The following PCDHGB1 variants were observed in gnomAD, a reference collection of about 807,000 sequenced individuals.
PCDHGB1 encodes the protein protocadherin gamma subfamily B, 1.
PCDHGB1 carries 34 observed loss-of-function variants against 56.6 expected under a neutral mutation model. The observed-to-expected ratio is 0.60, with a 90% CI of 0.46 to 0.80. The LOEUF (loss-of-function observed/expected upper bound fraction) is 0.80. Among genes scored for constraint, PCDHGB1 ranks in the 30% least tolerant of loss-of-function variants. The probability of loss-of-function intolerance (pLI) is 0.00; values close to 1 mark genes in which losing one functional copy is unlikely to be tolerated. For synonymous variants in PCDHGB1, 561 were observed against 505.9 expected (o/e 1.11, Z -1.46); for missense variants, 1,278 against 1,204.6 (o/e 1.06, Z -0.90).
In PCDHGB1 at chr5:141,490,413, G is replaced by C. The variant is rs2233606; in HGVS notation, c.2410-4394G>C. 6 of 1,614,128 alleles carry C rather than the reference G, an allele frequency of 3.7e-6. No individual in the cohort carries two copies. In the South Asian group the frequency reaches 4.4e-5, roughly 12 times the overall value. On this transcript the variant is annotated intron_variant, in intron 1 of 3. Transcript: ENST00000523390. The surrounding 1 kb of genome is among the most constrained non-coding windows in gnomAD (Gnocchi z 5.4). ...GTGAAGTGAGCCTTGATATCTCTCCGGACCTGCCATTTCAGATTAAGCCTT... is the reference window on the plus strand; with the variant it reads ...GTGAAGTGAGCCTTGATATCTCTCCCGACCTGCCATTTCAGATTAAGCCTT...
chr5:141,432,823 C>A lies in PCDHGB1; in HGVS notation c.2410-61984C>A. 1 of 1,614,184 alleles carries A rather than the reference C, an allele frequency of 6.2e-7. No homozygotes were observed. Among genetic ancestry groups the A allele is most frequent in the Non-Finnish European group, 8.5e-7 (1 of 1,180,004 alleles). On this transcript the variant is annotated intron_variant, in intron 1 of 3. Transcript: ENST00000523390. The surrounding 1 kb of genome is among the most constrained non-coding windows in gnomAD (Gnocchi z 6.0). ...CTCCAGCTAACTCTGAAACCTCAGA[C>A]CTCACTCTGTACCTGGTGGTAGCGG...
At chr5:141,379,717 G>A (rs1775773176) in intron 1 of PCDHGB1, 1 of 152,104 alleles carries the variant, frequency 6.6e-6, no homozygotes, top group Non-Finnish European at 1.5e-5. Context: ...GGCAGTCATG[G>A]AATTTGCTAA....
At chr5:141,417,950 GAGCCGATCCGCT>G (rs1361985861) in intron 1 of PCDHGB1, 1 of 1,613,484 alleles carries the variant, frequency 6.2e-7, no homozygotes, top group African/African-American at 1.3e-5. Context: ...CACGCTGTGT[GAGCCGATCCGCT>G]ACTCGATTCC....
chr5:141,395,178 G>T (rs1201622292), intron 1 of PCDHGB1: 2 of 1,614,142 alleles, frequency 1.2e-6, no homozygotes, highest in Non-Finnish European at 1.7e-6. Context: ...TGAGAAAAAT[G>T]ATTCTTTGTT....
Position 141,350,429 on chromosome 5 carries a change from C to A in PCDHGB1, c.169C>A (p.Arg57=). ...TGCCAAGGATCTGGGGCTCAGTGTC[C>A]GGGAGTTGCCAACTCGAAAACTGCG... ...KLAKDLGLSV[R]ELPTRKLRVS... Residue 57 remains arginine (R), a synonymous_variant, in exon 1 of 4, where the codon CGG becomes AGG. Transcript: ENST00000523390. The A allele has an allele frequency of 6.2e-7, 1 of 1,609,800 alleles. No individual in the cohort carries two copies. Among genetic ancestry groups the A allele is most frequent in the Non-Finnish European group, 8.5e-7 (1 of 1,176,604 alleles).
chr5:141,357,388 A>C (rs762308413), intron 1 of PCDHGB1: 2 of 1,614,224 alleles, frequency 1.2e-6, no homozygotes, highest in Non-Finnish European at 1.7e-6. Context: ...CGCTGAAGGC[A>C]GCAGGTTGGC....
intron 1 of PCDHGB1, chr5:141,395,285 T>A: frequency 6.5e-7 from 1 of 1,535,168 alleles, no homozygotes; most frequent in Non-Finnish European, 8.8e-7. Context: ...GAATTTTATT[T>A]GGCATAAATT....
intron 1 of PCDHGB1, chr5:141,423,752 G>GC: frequency 1.6e-6 from 1 of 644,956 alleles, no homozygotes; most frequent in East Asian, 1.1e-4. Context: ...AAACTGTTTG[G>GC]GGGGGGGGTG....
chr5:141,361,865 T>C (rs1588568656), intron 1 of PCDHGB1: 2 of 1,611,792 alleles, frequency 1.2e-6, no homozygotes, highest in East Asian at 2.2e-5. Flanking sequence ...CTCTTCGATA[T>C]GGTGCCACGC....
Position 141,491,648 on chromosome 5 carries a change from T to A in PCDHGB1, c.2410-3159T>A. 6.2e-7 allele frequency: 1 copy of A among 1,613,834 alleles called. No individual in the cohort carries two copies. Among genetic ancestry groups the A allele is most frequent in the Non-Finnish European group, 8.5e-7 (1 of 1,180,002 alleles). ...GTTCAGCAGCCCACAGCTCTGGCGC[T>A]GGAGCCTGACGCCATCCGGTCCCGC... On this transcript the variant is annotated intron_variant, in intron 1 of 3. Transcript: ENST00000523390. This position sits in a 1 kb window ranked among gnomAD's most constrained non-coding sequence, Gnocchi z 6.9.
At chr5:141,370,230 C>CG (rs1766760577) in intron 1 of PCDHGB1, 1 of 588,024 alleles carries the variant, frequency 1.7e-6, no homozygotes, top group East Asian at 2.9e-5. Flanking sequence ...GCAGCCAGCT[C>CG]GGAAGAAAAG....
In PCDHGB1 at chr5:141,476,584, C is replaced by A; in HGVS notation, c.2410-18223C>A. ...TGGCTCCGGGGACGCGCTTTCCGCTCGAGAGCGCGCACGATCCCGATGTGG... is the reference window on the plus strand; with the variant it reads ...TGGCTCCGGGGACGCGCTTTCCGCTAGAGAGCGCGCACGATCCCGATGTGG... On this transcript the variant is annotated intron_variant, in intron 1 of 3. Coordinates refer to ENST00000523390, the MANE Select transcript of PCDHGB1 (RefSeq NM_018922.3). This position sits in a 1 kb window ranked among gnomAD's most constrained non-coding sequence, Gnocchi z 7.6. The A allele has an allele frequency of 6.2e-7, 1 of 1,614,216 alleles. No homozygotes were observed. The highest frequency in any genetic ancestry group is 8.5e-7 in the Non-Finnish European group (1 of 1,180,042).
At chr5:141,423,563 C>G (rs745802952) in intron 1 of PCDHGB1, 3 of 1,613,550 alleles carry the variant, frequency 1.9e-6, no homozygotes, top group Admixed American at 1.7e-5. Flanking sequence ...TATGGGGACA[C>G]GCTCATCAGC....
chr5:141,501,666 T>C (rs2099810374), intron 2 of PCDHGB1, among the ~76,000 whole-genome samples: 1 of 152,142 alleles, frequency 6.6e-6, no homozygotes. Context: ...TTGGAAAATA[T>C]AGATAATCAC....
chr5:141,468,443 G>A (rs760789357), intron 1 of PCDHGB1: 6 of 152,124 alleles, frequency 3.9e-5, no homozygotes, highest in Non-Finnish European at 8.8e-5. Context: ...AAATGTGGGT[G>A]CAAAATTAAA....
intron 1 of PCDHGB1, chr5:141,415,035 C>T (rs368588973): frequency 8.9e-5 from 143 of 1,613,460 alleles, no homozygotes; most frequent in Non-Finnish European, 1.1e-4. Flanking sequence ...AGCCGGGACT[C>T]TTCGCGGTGG....
At position 141,491,127 on chromosome 5, in the gene PCDHGB1, C is replaced by T. The variant is rs2099708654; in HGVS notation, c.2410-3680C>T. On this transcript the variant is annotated intron_variant, in intron 1 of 3. Transcript: ENST00000523390. This position sits in a 1 kb window ranked among gnomAD's most constrained non-coding sequence, Gnocchi z 6.9. ...TGTCTACACACACTGGTGAGGTGCGCACAGCCCGGGCCTTACTGGAGGATG... is the reference window on the plus strand; with the variant it reads ...TGTCTACACACACTGGTGAGGTGCGTACAGCCCGGGCCTTACTGGAGGATG... 1 of 1,614,076 alleles carries T rather than the reference C, an allele frequency of 6.2e-7. No individual in the cohort carries two copies. The highest frequency in any genetic ancestry group is 1.3e-5 in the African/African-American group (1 of 74,942).
At chr5:141,415,081 C>T in intron 1 of PCDHGB1, 1 of 1,613,522 alleles carries the variant, frequency 6.2e-7, no homozygotes, top group Non-Finnish European at 8.5e-7. Context: ...GGCGCGAGCC[C>T]TGCTGGACAG....
intron 1 of PCDHGB1, chr5:141,383,863 C>T: frequency 6.2e-7 from 1 of 1,613,890 alleles, no homozygotes; most frequent in South Asian, 1.1e-5. Flanking sequence ...GGTTCAGGCT[C>T]AAGATGGTCC....
Sources: gnomAD v4.1 joint callset for allele counts (sites outside exome capture counted in the v4.1 genomes callset) on GRCh38, gnomAD v4.1.1 for gene constraint, Gnocchi (gnomAD v3.1) non-coding constraint, MANE v1.5 for transcripts, NCBI Gene and HGNC (gene_info 2026-07-23, HGNC 2026-07-21) for gene names.